The following MAMDC2 variants were observed in gnomAD, a reference collection of about 807,000 sequenced individuals.
MAMDC2 encodes the protein MAM domain containing 2.
In MAMDC2, 57 loss-of-function variants were observed where a neutral mutation model predicts 89.8. The ratio of observed to expected loss-of-function variants is 0.63; its 90% confidence interval spans 0.51 to 0.79. The LOEUF (loss-of-function observed/expected upper bound fraction) is 0.79. Among genes scored for constraint, MAMDC2 ranks in the 30% least tolerant of loss-of-function variants. The pLI, the probability that MAMDC2 is intolerant of heterozygous loss-of-function variation, is 0.00. For synonymous variants in MAMDC2, 313 were observed against 293.4 expected, an observed-to-expected ratio of 1.07 and a Z score of -0.68; for missense variants, 800 against 820.6, an observed-to-expected ratio of 0.97 and a Z score of 0.31.
chr9:70,046,073 T>C (rs1402212113), intron 2 of MAMDC2, among the ~76,000 whole-genome samples: 1 of 152,188 alleles, frequency 6.6e-6, no homozygotes, highest in Non-Finnish European at 1.5e-5. Flanking sequence ...GCCTTAGAAA[T>C]GCCACGAGAC....
chr9:70,221,092 G>A (rs924963519), intron 12 of MAMDC2, among the ~76,000 whole-genome samples: 2 of 151,652 alleles, frequency 1.3e-5, no homozygotes, highest in African/African-American at 4.8e-5. Context: ...CAATAAGTAC[G>A]TATTGTCCAT....
At chr9:70,149,646 T>C (rs2031520589) in intron 9 of MAMDC2, among the ~76,000 whole-genome samples, 2 of 152,186 alleles carry the variant, frequency 1.3e-5, no homozygotes, top group Non-Finnish European at 2.9e-5. Context: ...GAATAAGCCC[T>C]TCATTCCTGA....
intron 6 of MAMDC2, among the ~76,000 whole-genome samples, chr9:70,130,178 A>G (rs535446901): frequency 6.6e-6 from 1 of 152,286 alleles, no homozygotes; most frequent in East Asian, 1.9e-4. Flanking sequence ...ATAAGGTCAC[A>G]TACTGAGATA....
In MAMDC2 at chr9:70,158,281, C is replaced by T. The variant is rs532430231; in HGVS notation, c.1405-10421C>T. ...AAATCTTAAAAGTAATGAAATAATA[C>T]ATTTGTCTATCAAAATATTTTAAAA... On this transcript the variant is annotated intron_variant, in intron 9 of 13. Coordinates refer to ENST00000377182, the MANE Select transcript of MAMDC2 (RefSeq NM_153267.5). 5.3e-5 allele frequency among the ~76,000 whole-genome samples: 8 copies of T among 152,182 alleles called. No individual in the cohort carries two copies. In the East Asian group the frequency reaches 1.5e-3, roughly 29 times the overall value.
chr9:70,098,409 A>G (rs1240840199), intron 2 of MAMDC2, among the ~76,000 whole-genome samples: 1 of 152,252 alleles, frequency 6.6e-6, no homozygotes, highest in Non-Finnish European at 1.5e-5. Flanking sequence ...AAGTTGCACC[A>G]TAGATTTGCT....
intron 2 of MAMDC2, among the ~76,000 whole-genome samples, chr9:70,046,706 A>G (rs1030491562): frequency 6.6e-6 from 1 of 152,256 alleles, no homozygotes; most frequent in South Asian, 2.1e-4. Context: ...ATTACAGTTT[A>G]ATAGTATAAC....
chr9:70,177,233 T>C (rs1563988169), intron 11 of MAMDC2, among the ~76,000 whole-genome samples: 1 of 152,088 alleles, frequency 6.6e-6, no homozygotes, highest in Non-Finnish European at 1.5e-5. Context: ...CATAATTAAA[T>C]AAAATAAAGG....
At chr9:70,163,952 CAAAAAA>C (rs34029718) in intron 9 of MAMDC2, among the ~76,000 whole-genome samples, 1 of 70,082 alleles carries the variant, frequency 1.4e-5, no homozygotes, top group African/African-American at 6.2e-5. Context: ...GACTCTGTCT[CAAAAAA>C]AAAAAAAAAA....
chr9:70,134,365 C>T (rs1271843368), intron 7 of MAMDC2, among the ~76,000 whole-genome samples: 2 of 148,434 alleles, frequency 1.3e-5, no homozygotes, highest in Admixed American at 6.8e-5. Context: ...CCCTCACTCT[C>T]CCCCTGCACA....
chr9:70,071,526 G>A (rs920311637), intron 2 of MAMDC2: 2 of 152,164 alleles, frequency 1.3e-5, no homozygotes, highest in Non-Finnish European at 2.9e-5. Context: ...CTGGATTGTG[G>A]TGAGGTTAAT....
intron 9 of MAMDC2, among the ~76,000 whole-genome samples, chr9:70,167,401 A>G (rs888196936): frequency 5.9e-5 from 9 of 152,242 alleles, no homozygotes; most frequent in Non-Finnish European, 1.0e-4. Flanking sequence ...AAAAAGCAAA[A>G]GAACCCTACT....
Position 70,200,479 on chromosome 9 carries a change from G to A in MAMDC2, c.1652-17858G>A, listed in dbSNP as rs1241736721. On this transcript the variant is annotated intron_variant, in intron 11 of 13. Transcript: ENST00000377182. ...GCCTTGTAGTATAGTTTGAAGTCAG[G>A]TAGCGTGATTCCTCCAGCTTTGTTC... 7.2e-5 allele frequency among the ~76,000 whole-genome samples: 11 copies of A among 151,826 alleles called. 1 individual carries two copies. In the East Asian group the frequency reaches 1.7e-3, roughly 24 times the overall value.
In MAMDC2 at chr9:70,142,786, G is replaced by C. The variant is rs2031270038; in HGVS notation, c.1139-768G>C. 2.0e-5 allele frequency among the ~76,000 whole-genome samples: 3 copies of C among 152,002 alleles called. No individual in the cohort carries two copies. In the South Asian group the frequency reaches 6.2e-4, roughly 32 times the overall value. ...AACTAAACTGTATACAAAGACTGAGGCACCCAAAAGAAAACTGACAGGAGG... is the reference window on the plus strand; with the variant it reads ...AACTAAACTGTATACAAAGACTGAGCCACCCAAAAGAAAACTGACAGGAGG... On this transcript the variant is annotated intron_variant, in intron 8 of 13. Transcript: ENST00000377182.
intron 9 of MAMDC2, among the ~76,000 whole-genome samples, chr9:70,152,437 C>A (rs576482102): frequency 6.6e-6 from 1 of 152,124 alleles, no homozygotes; most frequent in Non-Finnish European, 1.5e-5. Context: ...AGCAGTCCAG[C>A]GCCATTTAAC....
At chr9:70,120,548 C>G (rs1288858248) in intron 5 of MAMDC2, among the ~76,000 whole-genome samples, 1 of 152,186 alleles carries the variant, frequency 6.6e-6, no homozygotes, top group African/African-American at 2.4e-5. Flanking sequence ...CATCTCCAAT[C>G]TCTCTGATTC....
At chr9:70,138,470 G>T (rs1330620567) in intron 7 of MAMDC2, among the ~76,000 whole-genome samples, 1 of 151,940 alleles carries the variant, frequency 6.6e-6, no homozygotes, top group African/African-American at 2.4e-5. Flanking sequence ...TCATTTTTTT[G>T]AGAAATCTCC....
At chr9:70,118,250 A>ACC (rs2030097749) in intron 5 of MAMDC2, among the ~76,000 whole-genome samples, 1 of 149,530 alleles carries the variant, frequency 6.7e-6, no homozygotes, top group Non-Finnish European at 1.5e-5. Context: ...GTTCTCTTCA[A>ACC]CCTTTGGACT....
intron 5 of MAMDC2, among the ~76,000 whole-genome samples, chr9:70,114,562 C>T (rs553116659): frequency 2.0e-5 from 3 of 152,236 alleles, no homozygotes; most frequent in Non-Finnish European, 4.4e-5. Flanking sequence ...ATTCAGGCTT[C>T]TTAGAATAAG....
chr9:70,224,975 T>C (rs1035294751), intron 12 of MAMDC2, among the ~76,000 whole-genome samples: 1 of 152,236 alleles, frequency 6.6e-6, no homozygotes, highest in Non-Finnish European at 1.5e-5. Context: ...ATTTAAATTA[T>C]AAACTACTCC....
Sources: gnomAD v4.1 joint callset for allele counts (sites outside exome capture counted in the v4.1 genomes callset) on GRCh38, gnomAD v4.1.1 for gene constraint, MANE v1.5 for transcripts, NCBI Gene and HGNC (gene_info 2026-07-23, HGNC 2026-07-21) for gene names.